Variants in FAM149A observed in about 807,000 individuals in gnomAD.
The protein encoded by FAM149A is protein FAM149A.
Under a neutral mutation model 78.2 loss-of-function variants are expected in FAM149A, and 71 were observed. The ratio of observed to expected loss-of-function variants is 0.91; its 90% CI spans 0.75 to 1.11. The LOEUF is 1.11. Among genes scored for constraint, FAM149A ranks in the 50% least tolerant of loss-of-function variants. The pLI, the probability that FAM149A is intolerant of heterozygous loss-of-function variation, is 0.00. For missense variants in FAM149A, 1,036 were observed against 971.0 expected (o/e 1.07, Z -0.89); for synonymous variants, 446 against 410.5 (o/e 1.09, Z -1.04).
intron 3 of FAM149A, chr4:186,151,168 C>CGCA (rs1458354951): frequency 1.8e-6 from 1 of 544,124 alleles, no homozygotes; most frequent in Non-Finnish European, 2.3e-6. Flanking sequence ...CTTTCACGCA[C>CGCA]GCAGCTCCCT....
At chr4:186,106,864 G>C (rs1214988463) in intron 1 of FAM149A, among the ~76,000 whole-genome samples, 1 of 152,080 alleles carries the variant, frequency 6.6e-6, no homozygotes, top group East Asian at 1.9e-4. Flanking sequence ...AGAGGATGAT[G>C]GCGTGAACCC....
intron 1 of FAM149A, 75 bp downstream of exon 1, chr4:186,105,717 T>G: frequency 1.1e-6 from 1 of 936,368 alleles, no homozygotes; most frequent in Non-Finnish European, 1.3e-6. Context: ...GCACTCACCT[T>G]CGCAGGTGCA....
Position 186,107,522 on chromosome 4 carries a change from G to C in FAM149A, c.566+1880G>C, listed in dbSNP as rs188599451. ...CAGCCTCAACCTCCCAGGCTCAAGC[G>C]ATCTGATTCTCCCGTCTCAGACTCT... On this transcript the variant is annotated intron_variant, in intron 1 of 13. Transcript: ENST00000389354. 2.5e-3 allele frequency: 382 copies of C among 152,340 alleles called. 2 individuals are homozygous for C. The highest frequency in any genetic ancestry group is 0.017 in the Middle Eastern group (5 of 296). The allele number at this position is 152,340 out of a possible 1,614,324, so 9.4% of individuals were successfully genotyped here.
chr4:186,154,483 C>T lies in FAM149A; in HGVS notation c.1074C>T (p.Gly358=). The change falls in exon 6 of 14, where the codon GGC becomes GGT. Residue 358 remains glycine (G), a synonymous_variant. Transcript: ENST00000389354. ...TTTCCCATAGGTTGTGCATTTCTGG[C>T]TCTCAAATAGTCCCAGCAGCACTCT... is the stretch of plus-strand genomic sequence containing the variant. The T allele has an allele frequency of 2.5e-6, 4 of 1,610,254 alleles. No individual in the cohort carries two copies.
At chr4:186,154,320 G>C (rs6552958) in intron 5 of FAM149A, 148 bp from the exon 6 acceptor site, 13 of 589,880 alleles carry the variant, frequency 2.2e-5, no homozygotes, top group Non-Finnish European at 3.7e-5. Context: ...TTTTAAGGAC[G>C]TGAGTTTTGT....
chr4:186,152,539 C>CTTTTTTTTTTTTTTTTTTTTTTTT (rs10718602), intron 4 of FAM149A, among the ~76,000 whole-genome samples: 1 of 88,270 alleles, frequency 1.1e-5, no homozygotes, highest in Non-Finnish European at 2.0e-5. Context: ...TTTCTTTTTG[C>CTTTTTTTTTTTTTTTTTTTTTTTT]TTTTTTTTTT....
At position 186,104,757 on chromosome 4, in the gene FAM149A, CGGGCGGCGGGCGTCTG is replaced by C. The variant is rs1177700805; in HGVS notation, c.-313_-298del. 2.7e-5 allele frequency among the ~76,000 whole-genome samples: 4 copies of C among 149,422 alleles called. No individual in the cohort carries two copies. Among genetic ancestry groups the C allele is most frequent in the African/African-American group, 7.4e-5 (3 of 40,608 alleles). Reference sequence around the variant, plus strand: ...CGTAGCAACCGCGGGCGGCGGGCGGCGGGCGGCGGGCGTCTGGGGCGGGCGGCGGCCGCGCTTCCCG... The same window carrying C: ...CGTAGCAACCGCGGGCGGCGGGCGGCGGGCGGGCGGCGGCCGCGCTTCCCG... On this transcript the variant is annotated 5_prime_UTR_variant, in exon 1 of 14. Transcript: ENST00000389354.
rs1732897472 is a variant in FAM149A, at chr4:186,144,950, C to T, written c.567-4223C>T. 1 of 909,294 alleles carries T rather than the reference C, an allele frequency of 1.1e-6. No homozygotes were observed. The highest frequency in any genetic ancestry group is 1.3e-6 in the Non-Finnish European group (1 of 794,448). The allele number at this position is 909,294 out of a possible 1,614,324, so 56.3% of individuals were successfully genotyped here. A position where few individuals can be genotyped will look rare whatever the true frequency, so the allele number is the denominator to read the frequency against. On this transcript the variant is annotated intron_variant, in intron 1 of 13. Coordinates refer to ENST00000389354, the MANE Select transcript of FAM149A (RefSeq NM_001367768.3). This position sits in a 1 kb window ranked among gnomAD's most constrained non-coding sequence, Gnocchi z 4.2. ...GCGGGCGCGGGCGCGGGCGCGGGCGCGGGCGCGGGCGGGTGGGGAGCCCCA... is the reference window on the plus strand; with the variant it reads ...GCGGGCGCGGGCGCGGGCGCGGGCGTGGGCGCGGGCGGGTGGGGAGCCCCA...
chr4:186,160,009 A>AC (rs2126511617), intron 8 of FAM149A, among the ~76,000 whole-genome samples: 2 of 92,962 alleles, frequency 2.2e-5, no homozygotes, highest in South Asian at 3.7e-4. Flanking sequence ...ATCCCCCCAC[A>AC]CACCCCCCAC....
intron 1 of FAM149A, chr4:186,145,076 G>T: frequency 2.0e-6 from 2 of 985,280 alleles, no homozygotes; most frequent in Non-Finnish European, 2.4e-6. Flanking sequence ...CCTGGCGCGG[G>T]GGCTGCGAGC....
intron 8 of FAM149A, chr4:186,158,338 C>T: frequency 1.7e-6 from 2 of 1,209,042 alleles, no homozygotes; most frequent in South Asian, 3.1e-5. Flanking sequence ...CACAGATTCT[C>T]CTCTGTGCTG....
intron 1 of FAM149A, among the ~76,000 whole-genome samples, chr4:186,148,709 T>C (rs1403351053): frequency 1.3e-5 from 2 of 152,246 alleles, no homozygotes; most frequent in Non-Finnish European, 2.9e-5. Context: ...GTGTGGCTTC[T>C]GAGTCTAAAG....
chr4:186,118,559 A>G (rs2099314689), intron 1 of FAM149A, among the ~76,000 whole-genome samples: 3 of 152,234 alleles, frequency 2.0e-5, no homozygotes, highest in Admixed American at 1.3e-4. Context: ...CACTACAGAT[A>G]GTTTGAAGAA....
chr4:186,120,644 A>G (rs963538724), intron 1 of FAM149A, among the ~76,000 whole-genome samples: 2 of 150,882 alleles, frequency 1.3e-5, no homozygotes, highest in Admixed American at 6.6e-5. Context: ...AAACACAAAA[A>G]TTAGCCAGGC....
chr4:186,137,010 C>CTT (rs1561396598), intron 1 of FAM149A, among the ~76,000 whole-genome samples: 1 of 129,606 alleles, frequency 7.7e-6, no homozygotes, highest in Non-Finnish European at 1.6e-5. Flanking sequence ...CTCTCTCTCT[C>CTT]TCTCTCTCTA....
In FAM149A at chr4:186,144,733, GC is replaced by G. The variant is rs1732845394; in HGVS notation, c.567-4438del. 1 of 851,520 alleles carries G rather than the reference GC, an allele frequency of 1.2e-6. No homozygotes were observed. The highest frequency in any genetic ancestry group is 1.2e-4 in the East Asian group (1 of 8,192). The allele number at this position is 851,520 out of a possible 1,614,324, so 52.7% of individuals were successfully genotyped here. ...TCCCGGAGGTCGGCGCGGGGCCGGG[GC>G]CGGGGCCGGGGCCCGGAGCGGGGAT... On this transcript the variant is annotated intron_variant, in intron 1 of 13. Transcript: ENST00000389354. This position sits in a 1 kb window ranked among gnomAD's most constrained non-coding sequence, Gnocchi z 4.2.
Position 186,104,720 on chromosome 4 carries a change from G to A in FAM149A, c.-357G>A, listed in dbSNP as rs1328282817. Among the ~76,000 whole-genome samples the A allele has an allele frequency of 6.8e-6, 1 of 147,976 alleles. No individual in the cohort carries two copies. The highest frequency in any genetic ancestry group is 2.5e-5 in the African/African-American group (1 of 39,856). On this transcript the variant is annotated 5_prime_UTR_variant, in exon 1 of 14. Coordinates refer to ENST00000389354, the MANE Select transcript of FAM149A (RefSeq NM_001367768.3). ...GGCCCAATTAGCCTGGAGCGCGGCC[G>A]GGTGTGTTGAACGTAGCAACCGCGG...
At chr4:186,146,824 A>C (rs80013303) in intron 1 of FAM149A, 31,911 of 985,296 alleles carry the variant, frequency 0.032, 589 homozygotes, top group Non-Finnish European at 0.034. Context: ...CCTATGTTTC[A>C]GGCATAAACA....
At chr4:186,139,499 G>A (rs2099324923) in intron 1 of FAM149A, among the ~76,000 whole-genome samples, 1 of 152,054 alleles carries the variant, frequency 6.6e-6, no homozygotes, top group African/African-American at 2.4e-5. Context: ...TTGGCCATGT[G>A]AAGACACAGC....
Sources: gnomAD v4.1 joint callset for allele counts (sites outside exome capture counted in the v4.1 genomes callset) on GRCh38, gnomAD v4.1.1 for gene constraint, Gnocchi (gnomAD v3.1) non-coding constraint, MANE v1.5 for transcripts, NCBI Gene and HGNC (gene_info 2026-07-23, HGNC 2026-07-21) for gene names.